Variants in REC114 observed in about 807,000 individuals in gnomAD.
The protein encoded by REC114 is meiotic recombination protein REC114.
Under a neutral mutation model 31.3 loss-of-function variants are expected in REC114, and 27 were observed. The ratio of observed to expected loss-of-function variants is 0.86; its 90% CI spans 0.64 to 1.19. The LOEUF (loss-of-function observed/expected upper bound fraction) is 1.19. Among genes scored for constraint, REC114 ranks in the 50% most tolerant of loss-of-function variants. The probability of loss-of-function intolerance (pLI) is 0.00; values close to 1 mark genes in which losing one functional copy is unlikely to be tolerated. For synonymous variants in REC114, 134 were observed against 127.7 expected (o/e 1.05, Z -0.33); for missense variants, 344 against 326.9 (o/e 1.05, Z -0.40).
intron 1 of REC114, among the ~76,000 whole-genome samples, chr15:73,450,619 T>C (rs552424651): frequency 1.3e-5 from 2 of 152,282 alleles, no homozygotes; most frequent in African/African-American, 4.8e-5. Context: ...TGAACTCAGC[T>C]CTGGACCAAG....
intron 2 of REC114, among the ~76,000 whole-genome samples, chr15:73,530,689 C>T (rs1894067271): frequency 6.6e-6 from 1 of 151,962 alleles, no homozygotes; most frequent in South Asian, 2.1e-4. Context: ...CAATCTTTTG[C>T]TTTGTTTTCC....
Position 73,559,988 on chromosome 15 carries a change from TATTAGA to T in REC114, c.*75_*80del. 7.2e-7 allele frequency: 1 copy of T among 1,381,062 alleles called. No homozygotes were observed. The allele number at this position is 1,381,062 out of a possible 1,614,324, so 85.6% of individuals were successfully genotyped here. On this transcript the variant is annotated 3_prime_UTR_variant, in exon 6 of 6. Transcript: ENST00000331090. ...TGCTTCCTCCTAAAATTAAAGAAGA[TATTAGA>T]ATAAAGAGTATTATCCAAACACCTT...
intron 1 of REC114, among the ~76,000 whole-genome samples, chr15:73,464,665 G>A (rs1220795814): frequency 1.3e-5 from 2 of 152,086 alleles, no homozygotes; most frequent in African/African-American, 2.4e-5. Context: ...TTGAGAGACC[G>A]CTAGGAACTT....
At chr15:73,554,264 T>C (rs1181058785) in intron 4 of REC114, among the ~76,000 whole-genome samples, 3 of 152,192 alleles carry the variant, frequency 2.0e-5, no homozygotes, top group African/African-American at 7.2e-5. Flanking sequence ...GTTTTCCTAA[T>C]GGCAAAACAT....
At chr15:73,466,364 C>A (rs554352944) in intron 1 of REC114, among the ~76,000 whole-genome samples, 1 of 151,894 alleles carries the variant, frequency 6.6e-6, no homozygotes, top group African/African-American at 2.4e-5. Flanking sequence ...ACCAGCCTGG[C>A]CAACATGGTG....
intron 3 of REC114, 47 bp from the exon 4 acceptor site, chr15:73,550,891 G>A: frequency 1.3e-6 from 2 of 1,576,736 alleles, no homozygotes; most frequent in East Asian, 2.2e-5. Context: ...AAAGTAAATA[G>A]TTATATGATG....
rs1193050665 is a variant in REC114, at chr15:73,540,534, G to A, written c.299G>A (p.Arg100His). The A allele has an allele frequency of 1.2e-5, 20 of 1,613,796 alleles. No homozygotes were observed. Among genetic ancestry groups the A allele is most frequent in the African/African-American group, 4.0e-5 (3 of 74,928 alleles). ...AAGGACTGGTTGAAGATTGTAAGAC[G>A]CGTGGATTGTCTGTTGTTTGGAACA... is the stretch of plus-strand genomic sequence containing the variant. Reference protein sequence around the residue: ...GSKDWLKIVRRVDCLLFGTTI... With the variant: ...GSKDWLKIVRHVDCLLFGTTI... The change falls in exon 3 of 6, where the codon CGC becomes CAC. Residue 100 changes from arginine to histidine, a missense_variant. Physicochemically the swap from Arg to His is conservative, Grantham distance 29. Transcript: ENST00000331090.
At chr15:73,499,742 C>G (rs1893579060) in intron 2 of REC114, among the ~76,000 whole-genome samples, 1 of 152,130 alleles carries the variant, frequency 6.6e-6, no homozygotes, top group Non-Finnish European at 1.5e-5. Context: ...GTGATCTAGT[C>G]ATGGCCTGAC....
chr15:73,456,499 A>G (rs1892917500), intron 1 of REC114, among the ~76,000 whole-genome samples: 1 of 152,128 alleles, frequency 6.6e-6, no homozygotes, highest in Admixed American at 6.6e-5. Context: ...TCTTCTCAAC[A>G]GTGTTCTTTT....
At chr15:73,523,655 T>C (rs1049290575) in intron 2 of REC114, among the ~76,000 whole-genome samples, 5 of 152,256 alleles carry the variant, frequency 3.3e-5, no homozygotes, top group Non-Finnish European at 7.3e-5. Context: ...GGCTTGCTTT[T>C]TCATTTTCTT....
At chr15:73,444,605 T>C (rs1018013309) in intron 1 of REC114, among the ~76,000 whole-genome samples, 2 of 152,210 alleles carry the variant, frequency 1.3e-5, no homozygotes, top group Non-Finnish European at 2.9e-5. Context: ...CCTTCCTCCA[T>C]TGAAATCTTG....
chr15:73,488,861 T>C (rs1166033671), intron 2 of REC114, among the ~76,000 whole-genome samples: 2 of 152,184 alleles, frequency 1.3e-5, no homozygotes. Context: ...TTCCAGCCTG[T>C]ACCCATTACC....
intron 1 of REC114, among the ~76,000 whole-genome samples, chr15:73,460,151 C>G (rs1276196698): frequency 6.6e-6 from 1 of 152,026 alleles, no homozygotes; most frequent in African/African-American, 2.4e-5. Context: ...CTTCAGTAAA[C>G]AAAATCTTAA....
intron 1 of REC114, among the ~76,000 whole-genome samples, chr15:73,459,561 C>T (rs551161192): frequency 6.6e-6 from 1 of 152,294 alleles, no homozygotes; most frequent in South Asian, 2.1e-4. Flanking sequence ...AATGGCAAAA[C>T]TGGAATTTGA....
At chr15:73,550,824 TC>T in intron 3 of REC114, 113 bp from the exon 4 acceptor site, 1 of 891,084 alleles carries the variant, frequency 1.1e-6, no homozygotes, top group South Asian at 1.6e-5. Context: ...AGATGACTGT[TC>T]CCTTATCTAT....
In REC114 at chr15:73,473,987, T is replaced by A. The variant is rs1314825481; in HGVS notation, c.249+66T>A. On this transcript the variant is annotated intron_variant, in intron 2 of 5. Coordinates refer to ENST00000331090, the MANE Select transcript of REC114 (RefSeq NM_001042367.2). ...TTGTCTTCTTAGCTTTACATGAATT[T>A]TTGTATCCTCAAGCTTCTTCAGTCT... 1.3e-5 allele frequency: 14 copies of A among 1,056,008 alleles called. No homozygotes were observed. In the Admixed American group the frequency reaches 2.8e-4, roughly 21 times the overall value. The allele number at this position is 1,056,008 out of a possible 1,614,324, so 65.4% of individuals were successfully genotyped here.
chr15:73,490,534 C>T (rs1269638460), intron 2 of REC114, among the ~76,000 whole-genome samples: 1 of 151,986 alleles, frequency 6.6e-6, no homozygotes, highest in Admixed American at 6.6e-5. Flanking sequence ...CATAATGAGA[C>T]CCTATCTGTA....
chr15:73,537,412 G>T (rs1894170885), intron 2 of REC114, among the ~76,000 whole-genome samples: 1 of 152,174 alleles, frequency 6.6e-6, no homozygotes, highest in Non-Finnish European at 1.5e-5. Flanking sequence ...AGTTGCTGTT[G>T]AGGAGGAAGG....
At chr15:73,531,456 A>C (rs1488811053) in intron 2 of REC114, among the ~76,000 whole-genome samples, 1 of 152,164 alleles carries the variant, frequency 6.6e-6, no homozygotes, top group Non-Finnish European at 1.5e-5. Flanking sequence ...CGCACTTCAT[A>C]ATTTATAATG....
Sources: allele counts gnomAD v4.1 joint callset (sites outside exome capture counted in the v4.1 genomes callset), GRCh38; gene constraint gnomAD v4.1.1; transcripts MANE v1.5; gene names NCBI Gene and HGNC (gene_info 2026-07-23, HGNC 2026-07-21).